SUDS3: variants seen among roughly 807,000 people sequenced by gnomAD.
SUDS3 encodes the protein SIN3A corepressor complex component SDS3.
A neutral mutation model predicts 53.5 loss-of-function variants in SUDS3; 23 were observed. That is an observed-to-expected ratio of 0.43 (90% confidence interval 0.31 to 0.61). The LOEUF (loss-of-function observed/expected upper bound fraction) is 0.61, where lower values mean the gene tolerates loss of function less well. Ranked by LOEUF, SUDS3 falls within the 20% of genes least tolerant of loss-of-function variation. SUDS3 has a pLI of 0.10. For missense variants in SUDS3, 291 were observed against 405.9 expected, an observed-to-expected ratio of 0.72 and a Z score of 2.43; for synonymous variants, 150 against 148.5, an observed-to-expected ratio of 1.01 and a Z score of -0.08.
chr12:118,391,685 CTG>C (rs1464416775), intron 6 of SUDS3, among the ~76,000 whole-genome samples: 1 of 152,236 alleles, frequency 6.6e-6, no homozygotes, highest in Non-Finnish European at 1.5e-5. Context: ...GCAAGTCCCT[CTG>C]TGGTGATGGG....
chr12:118,400,779 C>T, intron 7 of SUDS3, 25 bp downstream of exon 7: 1 of 1,606,958 alleles, frequency 6.2e-7, no homozygotes, highest in Non-Finnish European at 8.5e-7. Context: ...CAAGCCTTAA[C>T]CGCCTTTCTT....
intron 7 of SUDS3, among the ~76,000 whole-genome samples, chr12:118,401,257 TGGA>T (rs1273885308): frequency 1.3e-5 from 2 of 152,252 alleles, no homozygotes; most frequent in East Asian, 3.8e-4. Flanking sequence ...ACAGGAAAGA[TGGA>T]GAAGCGTTGT....
At chr12:118,382,163 C>T (rs950354521) in intron 2 of SUDS3, among the ~76,000 whole-genome samples, 1 of 152,048 alleles carries the variant, frequency 6.6e-6, no homozygotes, top group Non-Finnish European at 1.5e-5. Flanking sequence ...GCTAAGCCTC[C>T]TGAGTAGCTG....
Position 118,390,266 on chromosome 12 carries a change from A to G in SUDS3, c.360+320A>G, listed in dbSNP as rs568907088. ...TGATATTGGTCCTTGAAGCAGTTCA[A>G]TCTCTGAATTGGCTCAGCAGTTCTG... is the stretch of plus-strand genomic sequence containing the variant. On this transcript the variant is annotated intron_variant, in intron 5 of 11. Coordinates refer to ENST00000543473, the MANE Select transcript of SUDS3 (RefSeq NM_022491.3). Among the ~76,000 whole-genome samples the G allele has an allele frequency of 1.2e-3, 178 of 152,324 alleles. 1 individual carries two copies. The highest frequency in any genetic ancestry group is 4.1e-3 in the African/African-American group (171 of 41,560).
chr12:118,392,502 G>T (rs1346587849), intron 6 of SUDS3, among the ~76,000 whole-genome samples: 1 of 152,180 alleles, frequency 6.6e-6, no homozygotes, highest in Non-Finnish European at 1.5e-5. Context: ...CTCCTTGAAG[G>T]CCTCTGAAAG....
chr12:118,407,407 G>A (rs1462152547), intron 10 of SUDS3, among the ~76,000 whole-genome samples: 2 of 152,040 alleles, frequency 1.3e-5, no homozygotes, highest in African/African-American at 4.8e-5. Flanking sequence ...GAGCAAATAG[G>A]GACCAATGGT....
At chr12:118,409,338 G>A (rs2046337856) in intron 10 of SUDS3, among the ~76,000 whole-genome samples, 1 of 151,818 alleles carries the variant, frequency 6.6e-6, no homozygotes, top group African/African-American at 2.4e-5. Flanking sequence ...GTAGAGATGG[G>A]GTTTCACCAT....
chr12:118,382,962 C>T (rs1057007348), intron 2 of SUDS3, among the ~76,000 whole-genome samples: 7 of 152,160 alleles, frequency 4.6e-5, no homozygotes, highest in African/African-American at 1.7e-4. Context: ...GCCACCTTGC[C>T]TGGCCTCCCT....
chr12:118,380,345 TG>T, intron 2 of SUDS3, 114 bp downstream of exon 2: 1 of 890,486 alleles, frequency 1.1e-6, no homozygotes, highest in African/African-American at 1.7e-5. Context: ...ACTTCCTGAG[TG>T]CCAGCATGAT....
Position 118,416,816 on chromosome 12 carries a change from T to C in SUDS3, c.*2383T>C, listed in dbSNP as rs2046404923. On this transcript the variant is annotated 3_prime_UTR_variant, in exon 12 of 12. Transcript: ENST00000543473. The stretch of plus-strand genomic sequence containing the variant: ...TTTCTAGACGAGAAGGAGGCTAGCT[T>C]CTAGCCTGGGTGGCCATTATTCCAA... 1 of 152,174 alleles carries C rather than the reference T, an allele frequency of 6.6e-6. No homozygotes were observed. The highest frequency in any genetic ancestry group is 2.4e-5 in the African/African-American group (1 of 41,442). The allele number at this position is 152,174 out of a possible 1,614,324, so 9.4% of individuals were successfully genotyped here.
chr12:118,406,700 A>G (rs1056510196), intron 10 of SUDS3, among the ~76,000 whole-genome samples: 1 of 136,882 alleles, frequency 7.3e-6, no homozygotes, highest in Non-Finnish European at 1.7e-5. Flanking sequence ...AAACAGGTTA[A>G]TTGGCCTAAA....
chr12:118,412,430 C>T (rs1191294195), intron 11 of SUDS3, among the ~76,000 whole-genome samples: 6 of 152,156 alleles, frequency 3.9e-5, no homozygotes, highest in Admixed American at 3.9e-4. Flanking sequence ...TGAAAATGCC[C>T]TGAAATGTGA....
chr12:118,379,010 C>T (rs890073226), intron 1 of SUDS3, among the ~76,000 whole-genome samples: 1 of 149,756 alleles, frequency 6.7e-6, no homozygotes. Context: ...TGGGGTTTCA[C>T]CACGTTGGCC....
intron 10 of SUDS3, among the ~76,000 whole-genome samples, chr12:118,407,821 C>T (rs998678880): frequency 4.0e-5 from 6 of 151,246 alleles, no homozygotes; most frequent in African/African-American, 7.3e-5. Context: ...CAGGTTCAAG[C>T]GATTCTCCTA....
chr12:118,386,072 TTA>T, intron 3 of SUDS3, 40 bp from the exon 4 acceptor site: 1 of 1,466,116 alleles, frequency 6.8e-7, no homozygotes, highest in South Asian at 1.2e-5. Flanking sequence ...TAGAGCAGAT[TTA>T]TATTCACAAT....
chr12:118,383,000 C>T (rs1002515344), intron 2 of SUDS3, among the ~76,000 whole-genome samples: 2 of 152,036 alleles, frequency 1.3e-5, no homozygotes, highest in South Asian at 2.1e-4. Context: ...GAAAAAATTT[C>T]GGTTAAAATG....
chr12:118,381,720 G>A (rs114556259), intron 2 of SUDS3, among the ~76,000 whole-genome samples: 302 of 152,190 alleles, frequency 2.0e-3, no homozygotes, highest in African/African-American at 6.8e-3. Context: ...CTCTGTCCAC[G>A]TTTGCACCTG....
chr12:118,391,293 C>G lies in SUDS3; in HGVS notation c.517+11C>G. ...TGGAACTGACTGGAGGTAGGAAAGCCCTATGGGGTGGGATCTTGGGGGCCC... is the reference window on the plus strand; with the variant it reads ...TGGAACTGACTGGAGGTAGGAAAGCGCTATGGGGTGGGATCTTGGGGGCCC... On this transcript the variant is annotated intron_variant, in intron 6 of 11. Coordinates refer to ENST00000543473, the MANE Select transcript of SUDS3 (RefSeq NM_022491.3). The G allele has an allele frequency of 6.2e-7, 1 of 1,601,294 alleles. No homozygotes were observed. Among genetic ancestry groups the G allele is most frequent in the South Asian group, 1.1e-5 (1 of 88,860 alleles).
chr12:118,401,616 A>G, intron 7 of SUDS3, 143 bp from the exon 8 acceptor site: 1 of 701,088 alleles, frequency 1.4e-6, no homozygotes, highest in East Asian at 2.5e-5. Context: ...AGAATCATAA[A>G]TTTCTAAGAA....
Sources: gnomAD v4.1 joint callset for allele counts (sites outside exome capture counted in the v4.1 genomes callset) on GRCh38, gnomAD v4.1.1 for gene constraint, MANE v1.5 for transcripts, NCBI Gene and HGNC (gene_info 2026-07-23, HGNC 2026-07-21) for gene names.